ATP6V0A4: variants seen among roughly 807,000 people sequenced by gnomAD.
ATP6V0A4 encodes ATPase H+ transporting V0 subunit a4, also known as V-type proton ATPase 116 kDa subunit a 4.
In ATP6V0A4, 86 loss-of-function variants were observed where a neutral mutation model predicts 107.3. The ratio of observed to expected loss-of-function variants is 0.80; its 90% confidence interval spans 0.67 to 0.96. The LOEUF (loss-of-function observed/expected upper bound fraction) is 0.96, where lower values mean the gene tolerates loss of function less well. ATP6V0A4 is among the 40% of genes least tolerant of loss of function. The pLI, the probability that ATP6V0A4 is intolerant of heterozygous loss-of-function variation, is 0.00. For missense variants in ATP6V0A4, 908 were observed against 1,045.6 expected (o/e 0.87, Z 1.81); for synonymous variants, 353 against 381.4 (o/e 0.93, Z 0.87).
chr7:138,747,821 C>G (rs1455985036), intron 12 of ATP6V0A4: 1 of 459,266 alleles, frequency 2.2e-6, no homozygotes, highest in Non-Finnish European at 3.9e-6. Flanking sequence ...GTGGCACAAT[C>G]ATGGCTCACT....
At chr7:138,784,988 T>C (rs1808114247) in intron 2 of ATP6V0A4, among the ~76,000 whole-genome samples, 1 of 152,172 alleles carries the variant, frequency 6.6e-6, no homozygotes, top group African/African-American at 2.4e-5. Flanking sequence ...CTCATATCCT[T>C]GTACCCAGGA....
intron 14 of ATP6V0A4, among the ~76,000 whole-genome samples, chr7:138,743,977 C>CTCTAAAATCTTTCTCCCCATAA (rs1164311872): frequency 2.0e-5 from 3 of 152,110 alleles, no homozygotes; most frequent in Non-Finnish European, 4.4e-5. Flanking sequence ...ACCTCTCAAA[C>CTCTAAAATCTTTCTCCCCATAA]TCTAAAATCT....
At chr7:138,707,160 A>AT (rs1562972351) in intron 21 of ATP6V0A4, among the ~76,000 whole-genome samples, 1 of 77,776 alleles carries the variant, frequency 1.3e-5, no homozygotes, top group South Asian at 3.2e-4. Flanking sequence ...ATTAATATAT[A>AT]ATATATTATA....
chr7:138,743,233 G>A (rs1805725290), intron 14 of ATP6V0A4, among the ~76,000 whole-genome samples: 2 of 152,166 alleles, frequency 1.3e-5, no homozygotes, highest in Middle Eastern at 3.4e-3. Flanking sequence ...TGAGGCAGGT[G>A]GATCAATTCA....
intron 5 of ATP6V0A4, among the ~76,000 whole-genome samples, chr7:138,763,966 C>CAAA (rs1403231996): frequency 0.016 from 2,108 of 128,080 alleles, 46 homozygotes; most frequent in East Asian, 0.049. Context: ...GACTCTGTCT[C>CAAA]AAAAAAAAAA....
In ATP6V0A4 at chr7:138,728,771, C is replaced by T. The variant is rs759959455; in HGVS notation, c.2000G>A (p.Arg667Gln). The change falls in exon 18 of 22, where the codon CGG becomes CAG. Residue 667 changes from arginine to glutamine, a missense_variant. Arg to Gln is a conservative substitution (Grantham distance 43, BLOSUM62 1). Transcript: ENST00000310018. ...ACAAACAGCCCTTACCTGGGATTTC[C>T]GATGACTGGCTCTAAGAATAAACGG... ...IKPFILRASH[R>Q]KSQLQASRIQ... 24 of 1,614,010 alleles carry T rather than the reference C, an allele frequency of 1.5e-5. No individual in the cohort carries two copies. The highest frequency in any genetic ancestry group is 1.6e-4 in the Middle Eastern group (1 of 6,082).
At chr7:138,723,055 CAAAAAAAAAAAA>C (rs34685977) in intron 18 of ATP6V0A4, among the ~76,000 whole-genome samples, 1 of 122,416 alleles carries the variant, frequency 8.2e-6, no homozygotes, top group East Asian at 2.3e-4. Flanking sequence ...GAGACTGTCT[CAAAAAAAAAAAA>C]AAAAAGAAAA....
At position 138,706,603 on chromosome 7, in the gene ATP6V0A4, G is replaced by A. The variant is rs770534833; in HGVS notation, c.*21C>T. On this transcript the variant is annotated 3_prime_UTR_variant, in exon 22 of 22. Transcript: ENST00000310018. ...TTCCTTCATTGGCATGGTGACCACC[G>A]TGGGAGGTGCAGCCCTCAGCCTACT... The A allele has an allele frequency of 2.0e-5, 33 of 1,613,240 alleles. No homozygotes were observed. The highest frequency in any genetic ancestry group is 5.3e-5 in the African/African-American group (4 of 74,912).
At chr7:138,729,103 T>G (rs1186007775) in intron 17 of ATP6V0A4, among the ~76,000 whole-genome samples, 2 of 152,236 alleles carry the variant, frequency 1.3e-5, no homozygotes, top group Non-Finnish European at 2.9e-5. Flanking sequence ...GTATTCCTTA[T>G]TCTGAGTAGT....
In ATP6V0A4 at chr7:138,749,164, T is replaced by C; in HGVS notation, c.1180+3A>G. 1 of 1,614,066 alleles carries C rather than the reference T, an allele frequency of 6.2e-7. No homozygotes were observed. The highest frequency in any genetic ancestry group is 8.5e-7 in the Non-Finnish European group (1 of 1,180,026). On this transcript the variant is annotated splice_donor_region_variant and intron_variant, in intron 12 of 21. Coordinates refer to ENST00000310018, the MANE Select transcript of ATP6V0A4 (RefSeq NM_020632.3). ...CCAGTCGTGCAGTTCATCAGATCTT[T>C]ACCTGGGTTTATCTCCCGGTAGCTG...
rs1807124666 is a variant in ATP6V0A4, at chr7:138,767,038, C to T, written c.291+1742G>A. Among the ~76,000 whole-genome samples the T allele has an allele frequency of 3.3e-5, 5 of 152,324 alleles. No individual in the cohort carries two copies. In the South Asian group the frequency reaches 1.0e-3, roughly 32 times the overall value. ...AGCAGGTGTGAGAAACCAGCTGTTT[C>T]TATTAGCCAAGCACTTTAAAAATTC... On this transcript the variant is annotated intron_variant, in intron 5 of 21. Coordinates refer to ENST00000310018, the MANE Select transcript of ATP6V0A4 (RefSeq NM_020632.3).
intron 15 of ATP6V0A4, among the ~76,000 whole-genome samples, chr7:138,736,284 T>A (rs1223977563): frequency 6.6e-6 from 1 of 152,140 alleles, no homozygotes; most frequent in Non-Finnish European, 1.5e-5. Flanking sequence ...AAAATGTTAA[T>A]AGTTAAGTAC....
At position 138,797,547 on chromosome 7, in the gene ATP6V0A4, A is replaced by G. The variant is rs528565575; in HGVS notation, c.-121+487T>C. 9.9e-5 allele frequency among the ~76,000 whole-genome samples: 15 copies of G among 151,770 alleles called. 1 individual carries two copies. In the South Asian group the frequency reaches 3.1e-3, roughly 32 times the overall value. On this transcript the variant is annotated intron_variant, in intron 1 of 21. Coordinates refer to ENST00000310018, the MANE Select transcript of ATP6V0A4 (RefSeq NM_020632.3). ...TGCCATTTTCTTCTTGAAGCATCCC[A>G]TCAGCAGATGTGGCCTCCACTGTTG...
At chr7:138,771,081 T>C in intron 3 of ATP6V0A4, 50 bp downstream of exon 3, 1 of 1,533,582 alleles carries the variant, frequency 6.5e-7, no homozygotes, top group Non-Finnish European at 9.0e-7. Context: ...GCAAGAGTTA[T>C]CTACTCCCAC....
intron 17 of ATP6V0A4, among the ~76,000 whole-genome samples, chr7:138,729,906 T>C (rs935259868): frequency 3.0e-4 from 45 of 152,132 alleles, no homozygotes; most frequent in Admixed American, 2.1e-3. Context: ...TTTTTTGAGA[T>C]GGAGTCTCGC....
rs144096636 is a variant in ATP6V0A4, at chr7:138,774,873, G to A, written c.-17-3609C>T. The stretch of plus-strand genomic sequence containing the variant: ...GCCCAATGGCTGAAATTCAGCTTCC[G>A]CTGTGGCCCAGGTAAAAAGAGACAG... On this transcript the variant is annotated intron_variant, in intron 2 of 21. Coordinates refer to ENST00000310018, the MANE Select transcript of ATP6V0A4 (RefSeq NM_020632.3). Among the ~76,000 whole-genome samples, 877 of 152,132 alleles carry A rather than the reference G, an allele frequency of 5.8e-3. 3 individuals are homozygous for A. Among genetic ancestry groups the A allele is most frequent in the Non-Finnish European group, 9.0e-3 (611 of 68,022 alleles).
intron 7 of ATP6V0A4, among the ~76,000 whole-genome samples, chr7:138,760,265 GAA>G (rs1806736420): frequency 6.6e-6 from 1 of 151,932 alleles, no homozygotes; most frequent in Non-Finnish European, 1.5e-5. Context: ...CCAACATGCT[GAA>G]ACCCCATCTC....
chr7:138,763,088 T>C, intron 5 of ATP6V0A4, 63 bp from the exon 6 acceptor site: 1 of 1,598,436 alleles, frequency 6.3e-7, no homozygotes, highest in South Asian at 1.1e-5. Flanking sequence ...TGAAATACAT[T>C]ACCCACAACA....
chr7:138,797,120 A>T (rs1484951516), intron 1 of ATP6V0A4, among the ~76,000 whole-genome samples: 2 of 150,936 alleles, frequency 1.3e-5, no homozygotes. Flanking sequence ...ACCTTTGCTC[A>T]TCTGTCCCTC....
Sources: allele counts gnomAD v4.1 joint callset (sites outside exome capture counted in the v4.1 genomes callset), GRCh38; gene constraint gnomAD v4.1.1; transcripts MANE v1.5; gene names NCBI Gene and HGNC (gene_info 2026-07-23, HGNC 2026-07-21).